TRIP12: variants seen among roughly 807,000 people sequenced by gnomAD.
TRIP12 encodes E3 ubiquitin-protein ligase TRIP12.
TRIP12 carries 25 observed loss-of-function variants against 244.2 expected under a neutral mutation model. The ratio of observed to expected loss-of-function variants is 0.10; its 90% CI spans 0.07 to 0.14. The LOEUF (loss-of-function observed/expected upper bound fraction) is 0.14. Ranked by LOEUF, TRIP12 falls within the 10% of genes least tolerant of loss-of-function variation. The probability of loss-of-function intolerance (pLI) is 1.00; values close to 1 mark genes in which losing one functional copy is unlikely to be tolerated. For synonymous variants in TRIP12, 905 were observed against 873.1 expected (o/e 1.04, Z -0.64); for missense variants, 1,677 against 2,486.4 (o/e 0.67, Z 6.92).
chr2:229,852,542 A>C (rs1034804856), intron 4 of TRIP12, among the ~76,000 whole-genome samples: 9 of 152,324 alleles, frequency 5.9e-5, no homozygotes, highest in African/African-American at 1.7e-4. Context: ...AAAAATGTCT[A>C]CTTACTTAGG....
intron 1 of TRIP12, among the ~76,000 whole-genome samples, chr2:229,909,699 A>AT (rs1183525137): frequency 6.6e-6 from 1 of 151,950 alleles, no homozygotes; most frequent in African/African-American, 2.4e-5. Flanking sequence ...AAAAAAAAAA[A>AT]CAAAGTAGCC....
chr2:229,864,775 A>ATCT (rs2061210826), intron 2 of TRIP12, among the ~76,000 whole-genome samples: 1 of 152,210 alleles, frequency 6.6e-6, no homozygotes, highest in Admixed American at 6.5e-5. Flanking sequence ...ACTGCAACAG[A>ATCT]ACAGACTATA....
chr2:229,862,809 C>A (rs1462443601), intron 2 of TRIP12, among the ~76,000 whole-genome samples: 1 of 152,182 alleles, frequency 6.6e-6, no homozygotes. Context: ...TGTGTTATTT[C>A]TCATGCCCTT....
At chr2:229,899,512 G>A (rs904735451) in intron 1 of TRIP12, among the ~76,000 whole-genome samples, 2 of 152,130 alleles carry the variant, frequency 1.3e-5, no homozygotes, top group Admixed American at 6.5e-5. Context: ...GATAGCCAGC[G>A]GTGATACTGG....
rs200272111 is a variant in TRIP12, at chr2:229,840,955, T to C, written c.1028-28A>G. 5.6e-5 allele frequency: 82 copies of C among 1,474,600 alleles called. No individual in the cohort carries two copies. The East Asian group carries it at 1.6e-3, about 30-fold the overall frequency. The allele number at this position is 1,474,600 out of a possible 1,614,324, so 91.3% of individuals were successfully genotyped here. A position where few individuals can be genotyped will look rare whatever the true frequency, so the allele number is the denominator to read the frequency against. On this transcript the variant is annotated intron_variant, in intron 4 of 41. Transcript: ENST00000675903. ...ATCCACAGAAAATGGAAAAGTGTAA[T>C]TTTATAATGAGAAATTATCACTAAT...
rs1287357708 is a variant in TRIP12, at chr2:229,796,750, G to A, written c.3657C>T (p.Ile1219=). 6.2e-6 allele frequency: 10 copies of A among 1,600,762 alleles called. No homozygotes were observed. Among genetic ancestry groups the A allele is most frequent in the Non-Finnish European group, 8.5e-6 (10 of 1,175,962 alleles). The part of the protein sequence containing the change: ...VDGGAECLVE[I]RSIVSESDVS... ...CATCTGACTCTGAGACTATGCTACG[G>A]ATTTCTACAAGGCACTCAGCTCCAC... The change falls in exon 25 of 42, where the codon ATC becomes ATT. Residue 1219 remains isoleucine (I), a synonymous_variant. Transcript: ENST00000675903.
In TRIP12 at chr2:229,811,062, A is replaced by ATTTG. The variant is rs2047130643; in HGVS notation, c.2056-18_2056-17insCAAA. On this transcript the variant is annotated splice_polypyrimidine_tract_variant and intron_variant, in intron 14 of 41. Coordinates refer to ENST00000675903, the MANE Select transcript of TRIP12 (RefSeq NM_001348323.3). ...GAGTAAATTCTTCACAAACACAAGA[A>ATTTG]TAAAGGAATTATTACATCAAGATTC... is the stretch of plus-strand genomic sequence containing the variant. 6.2e-7 allele frequency: 1 copy of ATTTG among 1,613,738 alleles called. No individual in the cohort carries two copies. The highest frequency in any genetic ancestry group is 1.3e-5 in the African/African-American group (1 of 74,902).
At chr2:229,918,965 C>A (rs192590833) in intron 1 of TRIP12, among the ~76,000 whole-genome samples, 1 of 152,198 alleles carries the variant, frequency 6.6e-6, no homozygotes, top group East Asian at 1.9e-4. Flanking sequence ...TAAATGAAGA[C>A]CAGATAGGTT....
At chr2:229,777,000 GA>G (rs1373118451) in intron 37 of TRIP12, among the ~76,000 whole-genome samples, 1 of 152,090 alleles carries the variant, frequency 6.6e-6, no homozygotes, top group Non-Finnish European at 1.5e-5. Context: ...TAGTTTTACT[GA>G]CTCAAATGCT....
chr2:229,796,488 A>G (rs2042851030), intron 25 of TRIP12, 103 bp downstream of exon 25: 11 of 1,040,934 alleles, frequency 1.1e-5, no homozygotes, highest in Middle Eastern at 3.4e-4. Context: ...TTTTCCCTCA[A>G]TGTCTTGACC....
At chr2:229,774,339 A>G (rs1475719877) in intron 37 of TRIP12, 78 bp from the exon 38 acceptor site, 8 of 1,410,974 alleles carry the variant, frequency 5.7e-6, no homozygotes, top group Non-Finnish European at 5.8e-6. Flanking sequence ...AAGATATCCT[A>G]ATAAAATATA....
intron 4 of TRIP12, among the ~76,000 whole-genome samples, chr2:229,855,600 GT>G (rs1378982355): frequency 1.8e-5 from 2 of 109,670 alleles, no homozygotes; most frequent in South Asian, 3.3e-4. Context: ...ACTAACAAGG[GT>G]TTAAAAAAAA....
At chr2:229,824,537 T>A (rs1252407451) in intron 8 of TRIP12, among the ~76,000 whole-genome samples, 2 of 152,012 alleles carry the variant, frequency 1.3e-5, no homozygotes, top group Non-Finnish European at 2.9e-5. Flanking sequence ...AAAACTCAAA[T>A]GTCCAACAGG....
intron 1 of TRIP12, among the ~76,000 whole-genome samples, chr2:229,880,538 C>G (rs532496619): frequency 5.3e-4 from 80 of 152,318 alleles, no homozygotes; most frequent in Middle Eastern, 3.4e-3. Flanking sequence ...AGAAGTTTGC[C>G]TTTGTACAAA....
At chr2:229,874,000 T>C (rs898903772) in intron 2 of TRIP12, among the ~76,000 whole-genome samples, 1 of 151,810 alleles carries the variant, frequency 6.6e-6, no homozygotes, top group African/African-American at 2.4e-5. Flanking sequence ...ACAGAGTTGG[T>C]AGACTTAATT....
chr2:229,892,304 G>A (rs546402911), intron 1 of TRIP12, among the ~76,000 whole-genome samples: 1 of 152,300 alleles, frequency 6.6e-6, no homozygotes, highest in Non-Finnish European at 1.5e-5. Context: ...TAAGAAAGAA[G>A]CAGGGGGAAG....
intron 33 of TRIP12, among the ~76,000 whole-genome samples, chr2:229,787,264 AAAGAG>A (rs2040337211): frequency 6.6e-6 from 1 of 152,220 alleles, no homozygotes; most frequent in African/African-American, 2.4e-5. Context: ...ACGGCAACTA[AAAGAG>A]AAAAGAGAAT....
At position 229,804,192 on chromosome 2, in the gene TRIP12, C is replaced by A; in HGVS notation, c.2686G>T (p.Ala896Ser). Residue 896 changes from alanine (A) to serine (S), a missense_variant, in exon 19 of 42, where the codon GCA becomes TCA. Ala to Ser is a moderately conservative substitution (Grantham distance 99). Around this residue, in one of 11 missense-constraint regions of TRIP12, gnomAD observed 572 missense variants for 867.8 expected, o/e 0.66. Transcript: ENST00000675903. ...YSESKKDDAR[A>S]QLMKEDPELA... ...TCCGGATCCTCTTTCATAAGCTGTGCTCGAGCATCATCCTTCTTTGACTCT... is the reference window on the plus strand; with the variant it reads ...TCCGGATCCTCTTTCATAAGCTGTGATCGAGCATCATCCTTCTTTGACTCT... The A allele has an allele frequency of 1.9e-6, 3 of 1,613,850 alleles. No homozygotes were observed. The highest frequency in any genetic ancestry group is 2.5e-6 in the Non-Finnish European group (3 of 1,179,928).
At position 229,765,916 on chromosome 2, in the gene TRIP12, G is replaced by A. The variant is rs35381244; in HGVS notation, c.*1638C>T. 25,926 of 152,126 alleles carry A rather than the reference G, an allele frequency of 0.17. 2,809 individuals are homozygous for A. The highest frequency in any genetic ancestry group is 0.27 in the Middle Eastern group (78 of 294). The allele number at this position is 152,126 out of a possible 1,614,324, so 9.4% of individuals were successfully genotyped here. A position where few individuals can be genotyped will look rare whatever the true frequency, so the allele number is the denominator to read the frequency against. On this transcript the variant is annotated 3_prime_UTR_variant, in exon 42 of 42. Coordinates refer to ENST00000675903, the MANE Select transcript of TRIP12 (RefSeq NM_001348323.3). ...CTCTGACAGTTCCCTTCCACTTAAT[G>A]GGGTCACTGCCCAAGTGAACTCTCA...
Sources: allele counts gnomAD v4.1 joint callset (sites outside exome capture counted in the v4.1 genomes callset), GRCh38; gene constraint gnomAD v4.1.1; regional missense constraint gnomAD v4.1.1; transcripts MANE v1.5; gene names NCBI Gene and HGNC (gene_info 2026-07-23, HGNC 2026-07-21).